CBL: variants seen among roughly 807,000 people sequenced by gnomAD.
The protein encoded by CBL is E3 ubiquitin-protein ligase CBL.
A neutral mutation model predicts 96.9 loss-of-function variants in CBL; 45 were observed. The ratio of observed to expected loss-of-function variants is 0.46; its 90% CI spans 0.37 to 0.60. CBL has a LOEUF of 0.60. CBL is among the 20% of genes least tolerant of loss of function. CBL has a pLI of 0.00. For missense variants in CBL, 1,024 were observed against 1,143.5 expected (o/e 0.90, Z 1.51); for synonymous variants, 420 against 426.8 (o/e 0.98, Z 0.20).
chr11:119,224,928 T>C (rs948369685), intron 1 of CBL, among the ~76,000 whole-genome samples: 17 of 152,116 alleles, frequency 1.1e-4, no homozygotes, highest in African/African-American at 3.1e-4. Flanking sequence ...ATAACTTTTA[T>C]TGAAAAAGAA....
intron 1 of CBL, among the ~76,000 whole-genome samples, chr11:119,213,693 C>T (rs997497755): frequency 1.3e-5 from 2 of 151,946 alleles, no homozygotes; most frequent in Non-Finnish European, 2.9e-5. Context: ...AGACCAAGTG[C>T]CTATTTTTAT....
At chr11:119,275,887 A>C (rs1181885225) in intron 5 of CBL, 110 bp from the exon 6 acceptor site, 1 of 1,088,212 alleles carries the variant, frequency 9.2e-7, no homozygotes, top group African/African-American at 1.5e-5. Context: ...GAAAGGAAGA[A>C]AGTTATTGTT....
At chr11:119,248,841 G>T (rs1221170108) in intron 2 of CBL, among the ~76,000 whole-genome samples, 1 of 152,160 alleles carries the variant, frequency 6.6e-6, no homozygotes, top group Non-Finnish European at 1.5e-5. Context: ...TTTTTCTTCA[G>T]AGAAGATATA....
chr11:119,220,620 A>G (rs967645875), intron 1 of CBL, among the ~76,000 whole-genome samples: 3 of 152,150 alleles, frequency 2.0e-5, no homozygotes, highest in Non-Finnish European at 4.4e-5. Context: ...AATAAAATCC[A>G]TATATAAAAA....
rs182242248 is a variant in CBL at position 119,262,155 on chromosome 11, C to T, written c.444-9580C>T. On this transcript the variant is annotated intron_variant, in intron 2 of 15. Transcript: ENST00000264033. ...ACCTCTGTTATTCTTTCCATAAACT[C>T]GTAACTCCAGTCAAAATATCAGAAA... Among the ~76,000 whole-genome samples the T allele has an allele frequency of 2.0e-5, 3 of 152,212 alleles. No individual in the cohort carries two copies. In the East Asian group the frequency reaches 5.8e-4, roughly 29 times the overall value.
At chr11:119,206,712 T>C in intron 1 of CBL, 100 bp downstream of exon 1, 1 of 1,111,874 alleles carries the variant, frequency 9.0e-7, no homozygotes, top group Admixed American at 2.5e-5. Flanking sequence ...AGGGGACGGG[T>C]CTGGTGAAGC....
intron 12 of CBL, among the ~76,000 whole-genome samples, chr11:119,294,605 A>G (rs1322027449): frequency 6.6e-6 from 1 of 151,912 alleles, no homozygotes; most frequent in Non-Finnish European, 1.5e-5. Context: ...ATCCTGGCCA[A>G]TATGGTGAAA....
intron 2 of CBL, among the ~76,000 whole-genome samples, chr11:119,246,164 A>G (rs1949629649): frequency 6.6e-6 from 1 of 151,594 alleles, no homozygotes; most frequent in Admixed American, 6.6e-5. Context: ...TAGTAGAGAC[A>G]GGGTTTCACT....
At chr11:119,266,701 A>G (rs1486663586) in intron 2 of CBL, among the ~76,000 whole-genome samples, 2 of 152,186 alleles carry the variant, frequency 1.3e-5, no homozygotes, top group African/African-American at 4.8e-5. Context: ...GAGAAGAGGA[A>G]GACGGAAGCT....
At chr11:119,223,068 T>C (rs1949423811) in intron 1 of CBL, among the ~76,000 whole-genome samples, 1 of 151,850 alleles carries the variant, frequency 6.6e-6, no homozygotes. Context: ...TAGTCCCGGC[T>C]ACTTGGGAGG....
At chr11:119,288,713 A>G (rs1205379542) in intron 12 of CBL, among the ~76,000 whole-genome samples, 1 of 152,178 alleles carries the variant, frequency 6.6e-6, no homozygotes, top group Non-Finnish European at 1.5e-5. Flanking sequence ...GTGGAACCAC[A>G]TATATGAAAA....
At chr11:119,229,846 G>C (rs984544743) in intron 1 of CBL, among the ~76,000 whole-genome samples, 6 of 151,674 alleles carry the variant, frequency 4.0e-5, no homozygotes, top group Admixed American at 2.6e-4. Flanking sequence ...TCCTGCCTCA[G>C]CCTCCCGAGT....
Position 119,300,939 on chromosome 11 carries a change from A to G in CBL, c.*1158A>G, listed in dbSNP as rs560822342. On this transcript the variant is annotated 3_prime_UTR_variant, in exon 16 of 16. Coordinates refer to ENST00000264033, the MANE Select transcript of CBL (RefSeq NM_005188.4). ...TTTTTCTTCCCAGTGAATTAATTTC[A>G]GCTTATATGGGTGTCTTCATTTGAA... 3.5e-4 allele frequency: 86 copies of G among 245,160 alleles called. No homozygotes were observed. The East Asian group carries it at 4.4e-3, about 13-fold the overall frequency. 15.2% of individuals were successfully genotyped at this position (245,160 alleles called of 1,614,324 possible).
intron 1 of CBL, among the ~76,000 whole-genome samples, chr11:119,224,687 T>C (rs1313577300): frequency 1.3e-5 from 2 of 151,752 alleles, no homozygotes; most frequent in African/African-American, 2.4e-5. Context: ...GCCTCCCGGG[T>C]TCAAGCGATT....
At position 119,304,511 on chromosome 11, in the gene CBL, C is replaced by T; in HGVS notation, c.*4730C>T. 1 of 233,184 alleles carries T rather than the reference C, an allele frequency of 4.3e-6. No individual in the cohort carries two copies. The allele number at this position is 233,184 out of a possible 1,614,324, so 14.4% of individuals were successfully genotyped here. Reference sequence around the variant, plus strand: ...AGAGCTTTGCACCTAGTCCTTTCTCCCGCTTCACAGTCTGCTTATGGTATA... The same window carrying T: ...AGAGCTTTGCACCTAGTCCTTTCTCTCGCTTCACAGTCTGCTTATGGTATA... On this transcript the variant is annotated 3_prime_UTR_variant, in exon 16 of 16. Transcript: ENST00000264033.
intron 1 of CBL, among the ~76,000 whole-genome samples, chr11:119,207,824 C>T (rs960087140): frequency 6.6e-6 from 1 of 152,174 alleles, no homozygotes; most frequent in African/African-American, 2.4e-5. Flanking sequence ...TTTGGTTCCT[C>T]CCTGGGCCTC....
intron 1 of CBL, among the ~76,000 whole-genome samples, chr11:119,228,943 C>T (rs1400157092): frequency 1.3e-5 from 2 of 151,748 alleles, no homozygotes; most frequent in Non-Finnish European, 1.5e-5. Flanking sequence ...CCCAAGTAGC[C>T]GGGATTACAG....
At chr11:119,231,223 C>T (rs561381896) in intron 1 of CBL, among the ~76,000 whole-genome samples, 31 of 151,838 alleles carry the variant, frequency 2.0e-4, no homozygotes, top group African/African-American at 4.3e-4. Flanking sequence ...GCCAACATGG[C>T]GAAACCCCAT....
intron 11 of CBL, among the ~76,000 whole-genome samples, chr11:119,287,276 C>T (rs546297756): frequency 1.3e-5 from 2 of 152,308 alleles, no homozygotes; most frequent in South Asian, 2.1e-4. Context: ...GCACTGCATG[C>T]GCGTAAAAAC....
Sources: allele counts gnomAD v4.1 joint callset (sites outside exome capture counted in the v4.1 genomes callset), GRCh38; gene constraint gnomAD v4.1.1; transcripts MANE v1.5; gene names NCBI Gene and HGNC (gene_info 2026-07-23, HGNC 2026-07-21).